PROS1: variants seen among roughly 807,000 people sequenced by gnomAD.
PROS1 encodes the protein protein S.
PROS1 carries 29 observed loss-of-function variants against 75.9 expected under a neutral mutation model. The observed-to-expected ratio is 0.38, with a 90% CI of 0.28 to 0.52. The LOEUF is 0.52. PROS1 is among the 20% of genes least tolerant of loss of function. The pLI is 0.83. For missense variants in PROS1, 680 were observed against 810.3 expected, an observed-to-expected ratio of 0.84 and a Z score of 1.95; for synonymous variants, 245 against 280.6, an observed-to-expected ratio of 0.87 and a Z score of 1.27.
At chr3:93,903,798 CAT>C (rs982138036) in intron 6 of PROS1, among the ~76,000 whole-genome samples, 5 of 151,976 alleles carry the variant, frequency 3.3e-5, no homozygotes, top group Admixed American at 3.3e-4. Flanking sequence ...TTCTATCACT[CAT>C]GTCCTAATGA....
At chr3:93,880,573 T>G (rs1193170994) in intron 12 of PROS1, among the ~76,000 whole-genome samples, 2 of 152,202 alleles carry the variant, frequency 1.3e-5, no homozygotes, top group Non-Finnish European at 2.9e-5. Context: ...ATATCATAAT[T>G]GCACATATTT....
At position 93,951,349 on chromosome 3, in the gene PROS1, C is replaced by T. The variant is rs115047268; in HGVS notation, c.76+22325G>A. Among the ~76,000 whole-genome samples the T allele has an allele frequency of 7.1e-3, 1,075 of 152,208 alleles. 9 individuals carry two copies. The highest frequency in any genetic ancestry group is 0.024 in the African/African-American group (1,005 of 41,518). Reference sequence around the variant, plus strand: ...AATATTAAGGGCAGCCAGAGAGAAACGTGAGGTTACCCACAAAGGGAATCC... The same window carrying T: ...AATATTAAGGGCAGCCAGAGAGAAATGTGAGGTTACCCACAAAGGGAATCC... On this transcript the variant is annotated intron_variant, in intron 1 of 14. Coordinates refer to ENST00000394236, the MANE Select transcript of PROS1 (RefSeq NM_000313.4).
intron 1 of PROS1, among the ~76,000 whole-genome samples, chr3:93,940,944 C>A (rs13085785): frequency 6.6e-6 from 1 of 151,960 alleles, no homozygotes; most frequent in African/African-American, 2.4e-5. Flanking sequence ...CCCTCTGGTG[C>A]CCAACCCGTA....
At chr3:93,938,163 G>T (rs754618730) in intron 1 of PROS1, among the ~76,000 whole-genome samples, 10 of 152,132 alleles carry the variant, frequency 6.6e-5, no homozygotes, top group Non-Finnish European at 1.0e-4. Flanking sequence ...GAAAATGGCT[G>T]GTTCCTGCCT....
At chr3:93,972,421 T>C (rs1315639519) in intron 1 of PROS1, among the ~76,000 whole-genome samples, 1 of 152,216 alleles carries the variant, frequency 6.6e-6, no homozygotes, top group African/African-American at 2.4e-5. Context: ...AGCAAATTGA[T>C]ATATAATTTT....
At chr3:93,914,123 T>C (rs1270259504) in intron 3 of PROS1, among the ~76,000 whole-genome samples, 1 of 152,016 alleles carries the variant, frequency 6.6e-6, no homozygotes, top group African/African-American at 2.4e-5. Flanking sequence ...CAGGTTGGAG[T>C]CTTGTGCCAG....
intron 1 of PROS1, among the ~76,000 whole-genome samples, chr3:93,952,587 A>G (rs1709521321): frequency 6.6e-6 from 1 of 152,238 alleles, no homozygotes; most frequent in Admixed American, 6.5e-5. Flanking sequence ...CAGTGTGTAG[A>G]GGGAAATTTA....
chr3:93,881,654 G>C (rs184028742), intron 12 of PROS1, among the ~76,000 whole-genome samples: 1 of 148,078 alleles, frequency 6.8e-6, no homozygotes, highest in African/African-American at 2.5e-5. Context: ...CAACATATTG[G>C]GCTCAAGCCA....
chr3:93,912,043 T>C (rs960431307), intron 3 of PROS1, among the ~76,000 whole-genome samples: 1 of 152,174 alleles, frequency 6.6e-6, no homozygotes, highest in African/African-American at 2.4e-5. Flanking sequence ...CTATGACAAA[T>C]TACCACAAAT....
At chr3:93,931,238 C>A (rs572920337) in intron 1 of PROS1, among the ~76,000 whole-genome samples, 1 of 152,160 alleles carries the variant, frequency 6.6e-6, no homozygotes, top group East Asian at 1.9e-4. Flanking sequence ...TCAAATATAC[C>A]CATCCCCTTA....
At chr3:93,937,001 G>A (rs1709193725) in intron 1 of PROS1, among the ~76,000 whole-genome samples, 1 of 152,180 alleles carries the variant, frequency 6.6e-6, no homozygotes, top group Non-Finnish European at 1.5e-5. Context: ...CTGGAAAGCT[G>A]ATGAGAACCT....
intron 6 of PROS1, among the ~76,000 whole-genome samples, chr3:93,904,387 T>C (rs186297307): frequency 6.5e-4 from 99 of 152,342 alleles, no homozygotes; most frequent in African/African-American, 2.1e-3. Flanking sequence ...ATAAGAAAGA[T>C]ACATGATCAC....
At chr3:93,880,106 G>A (rs1708254184) in intron 12 of PROS1, among the ~76,000 whole-genome samples, 1 of 152,158 alleles carries the variant, frequency 6.6e-6, no homozygotes, top group South Asian at 2.1e-4. Context: ...CGGAGCCCTT[G>A]AAAGGGTAAA....
Position 93,896,617 on chromosome 3 carries a change from C to A in PROS1, c.924G>T (p.Gly308=), listed in dbSNP as rs768686455. 7 of 1,613,796 alleles carry A rather than the reference C, an allele frequency of 4.3e-6. No homozygotes were observed. In the South Asian group the frequency reaches 5.5e-5, roughly 13 times the overall value. The change falls in exon 9 of 15, where the codon GGG becomes GGT. Residue 308 remains glycine, a synonymous_variant. Coordinates refer to ENST00000394236, the MANE Select transcript of PROS1 (RefSeq NM_000313.4). ...ELLYLAEQFA[G]VVLYLKFRLP... The stretch of plus-strand genomic sequence containing the variant: ...AACGAAATTTTAAATATAAAACAAC[C>A]CCTGCAAACTGCTCCGCCAAGTAAA...
chr3:93,886,582 T>G, intron 10 of PROS1, 79 bp from the exon 11 acceptor site: 1 of 1,083,982 alleles, frequency 9.2e-7, no homozygotes, highest in Non-Finnish European at 1.4e-6. Context: ...AAAACTTATG[T>G]TATTATTCCA....
intron 1 of PROS1, among the ~76,000 whole-genome samples, chr3:93,938,947 A>T (rs1576204849): frequency 6.6e-6 from 1 of 151,836 alleles, no homozygotes; most frequent in Non-Finnish European, 1.5e-5. Context: ...AGGGCTGCTC[A>T]CCACCCCCCT....
rs767767470 is a variant in PROS1, at chr3:93,898,448, C to G, written c.849G>C (p.Glu283Asp). The change falls in exon 8 of 15, where the codon GAG becomes GAC. Residue 283 changes from glutamate (E) to aspartate (D), a missense_variant and splice_region_variant. Transcript: ENST00000394236. ...FKLAQDQKSCEVVSVCLPLNL... is the reference protein window; with the variant it reads ...FKLAQDQKSCDVVSVCLPLNL... The stretch of plus-strand genomic sequence containing the variant: ...AAGTTAAGCATTGTAAAATGTTTAC[C>G]TCACAACTCTTCTGATCTTGGGCAA... The G allele has an allele frequency of 6.2e-7, 1 of 1,612,146 alleles. No individual in the cohort carries two copies. Among genetic ancestry groups the G allele is most frequent in the Non-Finnish European group, 8.5e-7 (1 of 1,178,652 alleles).
At chr3:93,895,050 T>C (rs1489446573) in intron 9 of PROS1, among the ~76,000 whole-genome samples, 6 of 152,148 alleles carry the variant, frequency 3.9e-5, no homozygotes, top group Non-Finnish European at 8.8e-5. Flanking sequence ...TAGAATGGCA[T>C]AGTATTTGCA....
rs578148031 is a variant in PROS1, at chr3:93,965,175, G to A, written c.76+8499C>T. Among the ~76,000 whole-genome samples the A allele has an allele frequency of 5.3e-5, 8 of 152,290 alleles. No individual in the cohort carries two copies. The South Asian group carries it at 1.2e-3, about 24-fold the overall frequency. ...CCCTTTGGGTCCCCTCCCTTTGTATGGGAGCTCTGTTTTCACTCTATTTCA... is the reference window on the plus strand; with the variant it reads ...CCCTTTGGGTCCCCTCCCTTTGTATAGGAGCTCTGTTTTCACTCTATTTCA... On this transcript the variant is annotated intron_variant, in intron 1 of 14. Transcript: ENST00000394236.
Sources: gnomAD v4.1 joint callset for allele counts (sites outside exome capture counted in the v4.1 genomes callset) on GRCh38, gnomAD v4.1.1 for gene constraint, MANE v1.5 for transcripts, NCBI Gene and HGNC (gene_info 2026-07-23, HGNC 2026-07-21) for gene names.